GATAD2B: variants seen among roughly 807,000 people sequenced by gnomAD.
GATAD2B encodes GATA zinc finger domain containing 2B.
Under a neutral mutation model 64.3 loss-of-function variants are expected in GATAD2B, and 8 were observed. The ratio of observed to expected loss-of-function variants is 0.12; its 90% confidence interval spans 0.07 to 0.22. GATAD2B has a LOEUF of 0.22. Ranked by LOEUF, GATAD2B falls within the 10% of genes least tolerant of loss-of-function variation. GATAD2B has a pLI of 1.00. For missense variants in GATAD2B, 453 were observed against 752.0 expected (o/e 0.60, Z 4.65); for synonymous variants, 281 against 271.3 (o/e 1.04, Z -0.35).
Position 153,816,420 on chromosome 1 carries a change from G to A in GATAD2B, c.1069C>T (p.Arg357Cys). 3 of 1,614,196 alleles carry A rather than the reference G, an allele frequency of 1.9e-6. No individual in the cohort carries two copies. Among genetic ancestry groups the A allele is most frequent in the Non-Finnish European group, 2.5e-6 (3 of 1,180,012 alleles). ...AGGAGTGTCTTTTCCAGCTGTTTGC[G>A]AAGAGCCAATTTGGCTGCAGCCTGT... Reference protein sequence around the residue: ...NSQAAAKLALRKQLEKTLLEI... With the variant: ...NSQAAAKLALCKQLEKTLLEI... Residue 357 changes from arginine to cysteine, a missense_variant, in exon 7 of 11, where the codon CGC becomes TGC. Physicochemically the swap from Arg to Cys is radical, Grantham distance 180. This residue lies in a region of GATAD2B where 160 missense variants were observed against 334.7 expected (regional missense o/e 0.48). Transcript: ENST00000368655. The surrounding 1 kb of genome is among the most constrained non-coding windows in gnomAD (Gnocchi z 4.9).
intron 1 of GATAD2B, among the ~76,000 whole-genome samples, chr1:153,880,182 G>T (rs929310090): frequency 6.6e-6 from 1 of 152,008 alleles, no homozygotes; most frequent in Non-Finnish European, 1.5e-5. Flanking sequence ...GAAACAGTCG[G>T]CCAAGCGCAG....
At chr1:153,916,844 T>A (rs1387860832) in intron 1 of GATAD2B, among the ~76,000 whole-genome samples, 1 of 152,216 alleles carries the variant, frequency 6.6e-6, no homozygotes, top group Non-Finnish European at 1.5e-5. Context: ...AGTCTCACTC[T>A]GTTGACCAGG....
In GATAD2B at chr1:153,804,907, T is replaced by C. The variant is rs1674065320; in HGVS notation, c.*5270A>G. On this transcript the variant is annotated 3_prime_UTR_variant, in exon 11 of 11. Coordinates refer to ENST00000368655, the MANE Select transcript of GATAD2B (RefSeq NM_020699.4). The stretch of plus-strand genomic sequence containing the variant: ...TTGCCTTTTTGAAAACCAGTTTCTA[T>C]TGGTCTTAGTTTTTTCATTTTATTT... 1 of 152,516 alleles carries C rather than the reference T, an allele frequency of 6.6e-6. No individual in the cohort carries two copies. Among genetic ancestry groups the C allele is most frequent in the African/African-American group, 2.4e-5 (1 of 41,450 alleles). The allele number at this position is 152,516 out of a possible 1,614,324, so 9.4% of individuals were successfully genotyped here.
intron 2 of GATAD2B, chr1:153,827,693 C>CT: frequency 3.4e-6 from 1 of 294,950 alleles, no homozygotes; most frequent in South Asian, 1.1e-4. Context: ...TTTTCTCCTC[C>CT]TAAGACGGCC....
At chr1:153,834,535 T>G (rs1169682435) in intron 1 of GATAD2B, among the ~76,000 whole-genome samples, 1 of 152,098 alleles carries the variant, frequency 6.6e-6, no homozygotes, top group Admixed American at 6.6e-5. Context: ...ATTACAGGCA[T>G]GTGCCACCCC....
chr1:153,907,993 C>G (rs1239919968), intron 1 of GATAD2B, among the ~76,000 whole-genome samples: 1 of 152,110 alleles, frequency 6.6e-6, no homozygotes, highest in Non-Finnish European at 1.5e-5. Context: ...TTAGTAGAGA[C>G]TGGGTTTCAC....
rs574228988 is a variant in GATAD2B at position 153,846,622 on chromosome 1, C to T, written c.-1-18274G>A. 4.8e-5 allele frequency among the ~76,000 whole-genome samples: 7 copies of T among 146,034 alleles called. No individual in the cohort carries two copies. The East Asian group carries it at 8.1e-4, about 17-fold the overall frequency. Reference sequence around the variant, plus strand: ...TGTCGCCCAGGCTGGAATGCAGTCGCGCGATCTCGGCTCACTGCAATCTCC... The same window carrying T: ...TGTCGCCCAGGCTGGAATGCAGTCGTGCGATCTCGGCTCACTGCAATCTCC... On this transcript the variant is annotated intron_variant, in intron 1 of 10. Coordinates refer to ENST00000368655, the MANE Select transcript of GATAD2B (RefSeq NM_020699.4).
At chr1:153,838,381 G>C (rs1276228879) in intron 1 of GATAD2B, among the ~76,000 whole-genome samples, 1 of 152,110 alleles carries the variant, frequency 6.6e-6, no homozygotes. Flanking sequence ...TACATAATTG[G>C]ATGTTTACAT....
intron 1 of GATAD2B, among the ~76,000 whole-genome samples, chr1:153,889,436 A>AAAC (rs1677295531): frequency 6.8e-6 from 1 of 146,894 alleles, no homozygotes; most frequent in African/African-American, 2.5e-5. Flanking sequence ...AAAAAAAAAA[A>AAAC]CACACAAAAC....
intron 1 of GATAD2B, among the ~76,000 whole-genome samples, chr1:153,888,086 CA>C (rs962698525): frequency 0.025 from 3,098 of 125,974 alleles, 81 homozygotes; most frequent in African/African-American, 0.074. Context: ...GGCTCTATCT[CA>C]AAAAAAAAAA....
intron 1 of GATAD2B, among the ~76,000 whole-genome samples, chr1:153,861,781 C>CAAAAAAAAAAAAAAAAAA (rs869141712): frequency 4.7e-5 from 4 of 85,722 alleles, no homozygotes; most frequent in South Asian, 3.7e-4. Flanking sequence ...GACTCCATTT[C>CAAAAAAAAAAAAAAAAAA]AAAAAAAAAA....
chr1:153,889,351 C>T (rs146258148), intron 1 of GATAD2B, among the ~76,000 whole-genome samples: 1 of 134,698 alleles, frequency 7.4e-6, no homozygotes, highest in African/African-American at 2.8e-5. Context: ...GGCGGACGTT[C>T]TGGTGAACCG....
At chr1:153,907,364 T>A (rs1483106535) in intron 1 of GATAD2B, among the ~76,000 whole-genome samples, 1 of 152,190 alleles carries the variant, frequency 6.6e-6, no homozygotes, top group African/African-American at 2.4e-5. Flanking sequence ...CATGGATAAA[T>A]CATGAAGATA....
intron 4 of GATAD2B, 124 bp downstream of exon 4, chr1:153,818,667 C>T: frequency 1.2e-6 from 1 of 841,444 alleles, no homozygotes; most frequent in Non-Finnish European, 1.9e-6. Context: ...ACTACTACTA[C>T]AGACTAAAAA....
Position 153,862,717 on chromosome 1 carries a change from CTTTA to C in GATAD2B, c.-1-34373_-1-34370del, listed in dbSNP as rs917982068. Among the ~76,000 whole-genome samples, 14 of 144,352 alleles carry C rather than the reference CTTTA, an allele frequency of 9.7e-5. No homozygotes were observed. The East Asian group carries it at 2.3e-3, about 24-fold the overall frequency. 94.7% of individuals were successfully genotyped at this position (144,352 alleles called of 152,430 possible). A position where few individuals can be genotyped will look rare whatever the true frequency, so the allele number is the denominator to read the frequency against. On this transcript the variant is annotated intron_variant, in intron 1 of 10. Transcript: ENST00000368655. ...TGCCACTGCGCCTGGCCAATCTCTA[CTTTA>C]TTTCTTTTTTTTTTTTTTTTGAAAT...
chr1:153,841,409 G>A (rs763849934), intron 1 of GATAD2B, among the ~76,000 whole-genome samples: 15 of 152,100 alleles, frequency 9.9e-5, no homozygotes, highest in Admixed American at 3.3e-4. Flanking sequence ...AGGAGCCCTC[G>A]TGTTAACTGT....
At chr1:153,861,619 T>TAA (rs969410001) in intron 1 of GATAD2B, among the ~76,000 whole-genome samples, 97 of 134,546 alleles carry the variant, frequency 7.2e-4, no homozygotes, top group African/African-American at 2.3e-3. Context: ...CCATCTCTAC[T>TAA]AAAAAAAAAA....
At chr1:153,830,076 A>C (rs1675021751) in intron 1 of GATAD2B, among the ~76,000 whole-genome samples, 1 of 152,130 alleles carries the variant, frequency 6.6e-6, no homozygotes, top group Non-Finnish European at 1.5e-5. Flanking sequence ...AGCCTGGGTG[A>C]CAGAGTGAAA....
At chr1:153,852,606 T>C (rs2101911962) in intron 1 of GATAD2B, 1 of 784,216 alleles carries the variant, frequency 1.3e-6, no homozygotes, top group East Asian at 2.4e-5. Flanking sequence ...ATTGGCACTA[T>C]GCACACTCTT....
Sources: gnomAD v4.1 joint callset for allele counts (sites outside exome capture counted in the v4.1 genomes callset) on GRCh38, gnomAD v4.1.1 for gene constraint, gnomAD v4.1.1 regional missense constraint, Gnocchi (gnomAD v3.1) non-coding constraint, MANE v1.5 for transcripts, NCBI Gene and HGNC (gene_info 2026-07-23, HGNC 2026-07-21) for gene names.